Variants in HPSE2 observed in about 807,000 individuals in gnomAD.
HPSE2 encodes inactive heparanase-2.
Under a neutral mutation model 60.5 loss-of-function variants are expected in HPSE2, and 38 were observed. That is an observed-to-expected ratio of 0.63 (90% CI 0.48 to 0.82). HPSE2 has a LOEUF of 0.82. HPSE2 is among the 40% of genes least tolerant of loss of function. HPSE2 has a pLI of 0.00. For synonymous variants in HPSE2, 295 were observed against 293.2 expected, an observed-to-expected ratio of 1.01 and a Z score of -0.06; for missense variants, 713 against 740.4, an observed-to-expected ratio of 0.96 and a Z score of 0.43.
chr10:99,152,898 C>A (rs1210524200), intron 2 of HPSE2, among the ~76,000 whole-genome samples: 2 of 152,220 alleles, frequency 1.3e-5, no homozygotes, highest in Admixed American at 6.5e-5. Flanking sequence ...GTGCGCGCAT[C>A]GTGCGCGAGC....
chr10:98,973,087 C>G (rs544194264), intron 3 of HPSE2, among the ~76,000 whole-genome samples: 52 of 152,212 alleles, frequency 3.4e-4, no homozygotes, highest in African/African-American at 1.2e-3. Flanking sequence ...CTTACAAGAA[C>G]TGCAGTGATT....
chr10:98,915,630 C>T (rs1954099185), intron 3 of HPSE2, among the ~76,000 whole-genome samples: 1 of 152,180 alleles, frequency 6.6e-6, no homozygotes, highest in Admixed American at 6.5e-5. Flanking sequence ...AAAAGCCTAA[C>T]ACTTCACATG....
rs533637579 is a variant in HPSE2 at position 99,037,190 on chromosome 10, G to T, written c.610+107048C>A. Among the ~76,000 whole-genome samples the T allele has an allele frequency of 3.9e-5, 6 of 152,156 alleles. No individual in the cohort carries two copies. In the South Asian group the frequency reaches 1.2e-3, roughly 32 times the overall value. On this transcript the variant is annotated intron_variant, in intron 3 of 11. Transcript: ENST00000370552. ...AGGTCATGAAAGAAGAAAAGAGCAA[G>T]GAATTACCACATATTAGAAGAGACT...
intron 2 of HPSE2, among the ~76,000 whole-genome samples, chr10:99,163,481 T>C (rs1204040498): frequency 2.0e-5 from 3 of 152,172 alleles, no homozygotes; most frequent in Non-Finnish European, 4.4e-5. Context: ...AATATTCTTA[T>C]ATGTATGTAC....
intron 3 of HPSE2, among the ~76,000 whole-genome samples, chr10:99,109,369 A>C (rs1262298022): frequency 1.3e-5 from 2 of 152,162 alleles, no homozygotes; most frequent in African/African-American, 2.4e-5. Flanking sequence ...TAATTTGGAA[A>C]CTTTTTTATC....
chr10:99,194,330 C>T (rs1032033450), intron 2 of HPSE2, among the ~76,000 whole-genome samples: 1 of 151,016 alleles, frequency 6.6e-6, no homozygotes, highest in African/African-American at 2.4e-5. Context: ...AGTAGAAAAA[C>T]TTCAGATAAA....
intron 3 of HPSE2, among the ~76,000 whole-genome samples, chr10:98,838,707 C>T (rs1218993648): frequency 1.3e-5 from 2 of 152,070 alleles, no homozygotes; most frequent in East Asian, 3.9e-4. Context: ...GCTGGGATTA[C>T]AGGCGTAAGC....
chr10:99,257,832 T>C, the HPSE2 span, among the ~76,000 whole-genome samples: 1 of 152,170 alleles, frequency 6.6e-6, no homozygotes, highest in African/African-American at 2.4e-5. Context: ...CCTGCCGACA[T>C]GTGATGTTGC....
At chr10:98,476,358 T>A (rs1941020124) in intron 11 of HPSE2, among the ~76,000 whole-genome samples, 2 of 143,582 alleles carry the variant, frequency 1.4e-5, no homozygotes, top group Non-Finnish European at 3.0e-5. Flanking sequence ...CATTAGGAGA[T>A]ATACCTAATG....
intron 9 of HPSE2, among the ~76,000 whole-genome samples, chr10:98,505,952 C>T (rs915545743): frequency 6.6e-6 from 1 of 151,944 alleles, no homozygotes; most frequent in Non-Finnish European, 1.5e-5. Flanking sequence ...AGAGCAAGTC[C>T]TCCTTTCTTA....
At chr10:98,616,275 C>T (rs2133977869) in intron 8 of HPSE2, among the ~76,000 whole-genome samples, 1 of 152,288 alleles carries the variant, frequency 6.6e-6, no homozygotes, top group East Asian at 1.9e-4. Flanking sequence ...TCCACCTTTC[C>T]TCTGTCAGTT....
At chr10:98,761,346 T>C (rs1365890791) in intron 3 of HPSE2, among the ~76,000 whole-genome samples, 1 of 152,186 alleles carries the variant, frequency 6.6e-6, no homozygotes, top group Non-Finnish European at 1.5e-5. Context: ...CTAGCTTTCT[T>C]GATCTTTTCT....
chr10:98,458,534 T>C lies in HPSE2; in HGVS notation c.*1040A>G, dbSNP rs1940142509. 1 of 152,212 alleles carries C rather than the reference T, an allele frequency of 6.6e-6. No homozygotes were observed. The highest frequency in any genetic ancestry group is 1.5e-5 in the Non-Finnish European group (1 of 68,044). The allele number at this position is 152,212 out of a possible 1,614,324, so 9.4% of individuals were successfully genotyped here. ...GGCTACTTGGGAAGAGGCAAAAAGG[T>C]TAGATTCAGTTGTGTCTTCCAGTGA... is the stretch of plus-strand genomic sequence containing the variant. On this transcript the variant is annotated 3_prime_UTR_variant, in exon 12 of 12. Coordinates refer to ENST00000370552, the MANE Select transcript of HPSE2 (RefSeq NM_021828.5).
intron 3 of HPSE2, among the ~76,000 whole-genome samples, chr10:98,959,185 C>G (rs1955584780): frequency 6.6e-6 from 1 of 152,026 alleles, no homozygotes; most frequent in Non-Finnish European, 1.5e-5. Flanking sequence ...TTCATATTTT[C>G]TAATGGAGTG....
At chr10:98,799,530 T>C (rs1273372960) in intron 3 of HPSE2, among the ~76,000 whole-genome samples, 1 of 152,208 alleles carries the variant, frequency 6.6e-6, no homozygotes, top group Non-Finnish European at 1.5e-5. Flanking sequence ...ATAGACTATA[T>C]GTTAGGTCAC....
At chr10:98,462,712 G>A (rs1357760926) in intron 11 of HPSE2, among the ~76,000 whole-genome samples, 1 of 152,108 alleles carries the variant, frequency 6.6e-6, no homozygotes, top group Non-Finnish European at 1.5e-5. Flanking sequence ...CTTCTCAGAT[G>A]CTAGGGTTCC....
chr10:98,476,382 T>C (rs1199060357), intron 11 of HPSE2, among the ~76,000 whole-genome samples: 7 of 145,742 alleles, frequency 4.8e-5, no homozygotes, highest in Non-Finnish European at 9.0e-5. Context: ...AATGACGAGT[T>C]AATGGGTGCA....
chr10:98,693,971 G>T, intron 5 of HPSE2, 24 bp from the exon 6 acceptor site: 1 of 1,580,812 alleles, frequency 6.3e-7, no homozygotes, highest in Non-Finnish European at 8.7e-7. Flanking sequence ...AAAGAAAAAA[G>T]ATATTACAAC....
At chr10:99,166,125 T>C (rs760369202) in intron 2 of HPSE2, among the ~76,000 whole-genome samples, 10 of 127,068 alleles carry the variant, frequency 7.9e-5, no homozygotes, top group Admixed American at 5.3e-4. Context: ...ACCCAAGTTG[T>C]TGTGAATCAA....
Sources: gnomAD v4.1 joint callset for allele counts (sites outside exome capture counted in the v4.1 genomes callset) on GRCh38, gnomAD v4.1.1 for gene constraint, MANE v1.5 for transcripts, NCBI Gene and HGNC (gene_info 2026-07-23, HGNC 2026-07-21) for gene names.